Variants in DSCAML1 observed in about 807,000 individuals in gnomAD.
The protein encoded by DSCAML1 is cell adhesion molecule DSCAML1.
In DSCAML1, 38 loss-of-function variants were observed where a neutral mutation model predicts 200.5. The observed-to-expected ratio is 0.19, with a 90% confidence interval of 0.15 to 0.25. The LOEUF (loss-of-function observed/expected upper bound fraction) is 0.25. Ranked by LOEUF, DSCAML1 falls within the 10% of genes least tolerant of loss-of-function variation. The pLI, the probability that DSCAML1 is intolerant of heterozygous loss-of-function variation, is 1.00. For synonymous variants in DSCAML1, 1,215 were observed against 1,165.0 expected (o/e 1.04, Z -0.87); for missense variants, 2,223 against 2,858.8 (o/e 0.78, Z 5.07).
chr11:117,619,728 C>G (rs529622524), intron 3 of DSCAML1, among the ~76,000 whole-genome samples: 1 of 152,048 alleles, frequency 6.6e-6, no homozygotes, highest in African/African-American at 2.4e-5. Flanking sequence ...TTATCTCATC[C>G]TTTTTAGTTG....
chr11:117,813,740 C>G (rs1015370957), intron 1 of DSCAML1, among the ~76,000 whole-genome samples: 1 of 152,184 alleles, frequency 6.6e-6, no homozygotes, highest in African/African-American at 2.4e-5. Context: ...CTTAATCTCT[C>G]CCACTCTAGG....
At chr11:117,704,384 C>T (rs2053722527) in intron 3 of DSCAML1, among the ~76,000 whole-genome samples, 1 of 152,180 alleles carries the variant, frequency 6.6e-6, no homozygotes, top group African/African-American at 2.4e-5. Context: ...GCTTCTCACC[C>T]TCCCCTGGCT....
intron 3 of DSCAML1, among the ~76,000 whole-genome samples, chr11:117,595,442 C>T (rs1255935909): frequency 1.3e-5 from 2 of 152,084 alleles, no homozygotes; most frequent in Admixed American, 1.3e-4. Flanking sequence ...GTTGCGTATG[C>T]AGTTTTATAT....
intron 1 of DSCAML1, among the ~76,000 whole-genome samples, chr11:117,789,202 C>T (rs367996807): frequency 2.7e-4 from 41 of 152,300 alleles, no homozygotes; most frequent in African/African-American, 3.9e-4. Flanking sequence ...CCAGTGGAGA[C>T]GCAGCTATCC....
chr11:117,675,594 C>A (rs2137680830), intron 3 of DSCAML1, among the ~76,000 whole-genome samples: 1 of 150,932 alleles, frequency 6.6e-6, no homozygotes, highest in South Asian at 2.1e-4. Context: ...TTCCTTTCCT[C>A]CAGACCTGGG....
Position 117,517,544 on chromosome 11 carries a change from G to C in DSCAML1, c.1511-805C>G, listed in dbSNP as rs189889234. Among the ~76,000 whole-genome samples, 48 of 152,356 alleles carry C rather than the reference G, an allele frequency of 3.2e-4. No individual in the cohort carries two copies. In the East Asian group the frequency reaches 8.3e-3, roughly 26 times the overall value. ...ATCTCTGTCCCCCTTCCAATACAGA[G>C]GAGAGGGCAGGAGGGTGGCCAGATG... is the stretch of plus-strand genomic sequence containing the variant. On this transcript the variant is annotated intron_variant, in intron 7 of 32. Transcript: ENST00000651296.
chr11:117,774,689 C>G (rs1053785537), intron 3 of DSCAML1, among the ~76,000 whole-genome samples: 2 of 152,184 alleles, frequency 1.3e-5, no homozygotes, highest in Non-Finnish European at 2.9e-5. Flanking sequence ...ACATTTAAAG[C>G]CTCCACTGTA....
At chr11:117,714,448 T>C (rs1055760597) in intron 3 of DSCAML1, among the ~76,000 whole-genome samples, 1 of 152,118 alleles carries the variant, frequency 6.6e-6, no homozygotes, top group African/African-American at 2.4e-5. Context: ...CTAGAAGGAA[T>C]TGAAGGGCTC....
chr11:117,511,394 G>A (rs2049614896), intron 8 of DSCAML1, among the ~76,000 whole-genome samples: 1 of 152,266 alleles, frequency 6.6e-6, no homozygotes, highest in Middle Eastern at 3.4e-3. Context: ...ATGCAAAGGG[G>A]CCCCAGTTGC....
intron 3 of DSCAML1, among the ~76,000 whole-genome samples, chr11:117,559,357 G>C (rs540545308): frequency 2.6e-5 from 4 of 152,100 alleles, no homozygotes; most frequent in African/African-American, 9.7e-5. Context: ...CTGACCCCGA[G>C]TTTTTAGACA....
At chr11:117,536,325 G>C (rs2050169640) in intron 3 of DSCAML1, among the ~76,000 whole-genome samples, 1 of 152,240 alleles carries the variant, frequency 6.6e-6, no homozygotes, top group South Asian at 2.1e-4. Context: ...GGCCAGGGTT[G>C]GACAACATGG....
intron 29 of DSCAML1, among the ~76,000 whole-genome samples, chr11:117,432,714 C>T (rs55644928): frequency 0.18 from 27,348 of 151,484 alleles, 3,665 homozygotes; most frequent in East Asian, 0.63. Context: ...TGGGCTCAAG[C>T]TATCCTCCTA....
At chr11:117,472,247 T>C (rs1311896394) in intron 14 of DSCAML1, among the ~76,000 whole-genome samples, 2 of 152,184 alleles carry the variant, frequency 1.3e-5, no homozygotes, top group Non-Finnish European at 2.9e-5. Context: ...CTGACTCTCC[T>C]CTGCCACTGG....
chr11:117,584,525 G>A (rs945404035), intron 3 of DSCAML1, among the ~76,000 whole-genome samples: 2 of 152,296 alleles, frequency 1.3e-5, no homozygotes, highest in African/African-American at 2.4e-5. Flanking sequence ...ACACTTGCTC[G>A]GCACAAAACT....
At chr11:117,526,335 GCTGGGTCAC>G (rs1237799477) in intron 4 of DSCAML1, among the ~76,000 whole-genome samples, 4 of 152,264 alleles carry the variant, frequency 2.6e-5, no homozygotes, top group South Asian at 4.2e-4. Context: ...GCGGTGGTGT[GCTGGGTCAC>G]CTGGGTCACC....
chr11:117,487,240 A>G (rs1019732561), intron 11 of DSCAML1, among the ~76,000 whole-genome samples: 4 of 152,096 alleles, frequency 2.6e-5, no homozygotes, highest in African/African-American at 4.8e-5. Context: ...TAAGTTTTAT[A>G]TTGACTATCT....
intron 4 of DSCAML1, among the ~76,000 whole-genome samples, chr11:117,530,005 G>A (rs1434782821): frequency 6.6e-6 from 1 of 151,950 alleles, no homozygotes; most frequent in Admixed American, 6.5e-5. Context: ...CCCGTCGCTC[G>A]CTTCCTTTGT....
chr11:117,435,015 C>T (rs921266609), intron 27 of DSCAML1, among the ~76,000 whole-genome samples: 2 of 152,138 alleles, frequency 1.3e-5, no homozygotes, highest in Non-Finnish European at 2.9e-5. Context: ...CTTGCAGTAT[C>T]TATGATGAAG....
intron 3 of DSCAML1, among the ~76,000 whole-genome samples, chr11:117,677,518 G>A (rs2053236297): frequency 6.6e-6 from 1 of 151,988 alleles, no homozygotes; most frequent in African/African-American, 2.4e-5. Flanking sequence ...TCCTGGGGCG[G>A]GAGAATGAGG....
Sources: gnomAD v4.1 joint callset for allele counts (sites outside exome capture counted in the v4.1 genomes callset) on GRCh38, gnomAD v4.1.1 for gene constraint, MANE v1.5 for transcripts, NCBI Gene and HGNC (gene_info 2026-07-23, HGNC 2026-07-21) for gene names.